Variants in CNTN5 observed in about 807,000 individuals in gnomAD.
CNTN5 encodes contactin-5.
A neutral mutation model predicts 129.1 loss-of-function variants in CNTN5; 77 were observed. The observed-to-expected ratio is 0.60, with a 90% confidence interval of 0.50 to 0.72. CNTN5 has a LOEUF of 0.72. CNTN5 is among the 30% of genes least tolerant of loss of function. CNTN5 has a pLI of 0.00. For synonymous variants in CNTN5, 509 were observed against 465.6 expected (o/e 1.09, Z -1.20); for missense variants, 1,478 against 1,328.8 (o/e 1.11, Z -1.75).
chr11:99,617,510 C>T (rs1308922448), intron 3 of CNTN5, among the ~76,000 whole-genome samples: 2 of 152,050 alleles, frequency 1.3e-5, no homozygotes, highest in African/African-American at 4.8e-5. Flanking sequence ...AGAAAAGTGA[C>T]ACATAAACTT....
intron 1 of CNTN5, among the ~76,000 whole-genome samples, chr11:99,195,142 T>G (rs1262803653): frequency 2.0e-5 from 3 of 152,190 alleles, no homozygotes; most frequent in Non-Finnish European, 4.4e-5. Flanking sequence ...TCTGAAGGAT[T>G]ATATTTTATT....
chr11:100,027,794 A>T, intron 9 of CNTN5, among the ~76,000 whole-genome samples: 1 of 152,294 alleles, frequency 6.6e-6, no homozygotes, highest in Admixed American at 6.5e-5. Context: ...CCAGGGAGCA[A>T]GCTTGGGCAG....
At chr11:100,191,975 C>T (rs758564965) in intron 14 of CNTN5, among the ~76,000 whole-genome samples, 13 of 151,334 alleles carry the variant, frequency 8.6e-5, no homozygotes, top group Non-Finnish European at 1.8e-4. Flanking sequence ...AACCATACTC[C>T]GGCCATAAAA....
chr11:99,222,110 C>T (rs538904178), intron 1 of CNTN5, among the ~76,000 whole-genome samples: 2 of 151,752 alleles, frequency 1.3e-5, no homozygotes, highest in Non-Finnish European at 2.9e-5. Context: ...ACTAAAGCAA[C>T]AAAAAATACC....
chr11:100,085,097 G>T (rs1418353019), intron 13 of CNTN5, among the ~76,000 whole-genome samples: 2 of 152,002 alleles, frequency 1.3e-5, no homozygotes, highest in African/African-American at 4.8e-5. Flanking sequence ...AATAATTTTG[G>T]GGAGAGAATG....
chr11:99,233,169 G>A (rs895746809), intron 1 of CNTN5, among the ~76,000 whole-genome samples: 1 of 152,120 alleles, frequency 6.6e-6, no homozygotes, highest in Non-Finnish European at 1.5e-5. Flanking sequence ...GTCCTTTATA[G>A]TGCTTTGTCA....
At chr11:99,432,499 C>CTTTA (rs1943428019) in intron 2 of CNTN5, among the ~76,000 whole-genome samples, 1 of 74,184 alleles carries the variant, frequency 1.3e-5, no homozygotes, top group African/African-American at 5.3e-5. Context: ...TCTTTTCTTT[C>CTTTA]TTTTCTTTCT....
intron 2 of CNTN5, among the ~76,000 whole-genome samples, chr11:99,410,997 G>A (rs951508367): frequency 2.9e-4 from 44 of 152,178 alleles, no homozygotes; most frequent in African/African-American, 7.7e-4. Flanking sequence ...ATTGAGCTGC[G>A]CATTTTACAG....
intron 17 of CNTN5, among the ~76,000 whole-genome samples, chr11:100,262,353 T>C (rs1335012524): frequency 1.3e-5 from 2 of 152,184 alleles, no homozygotes; most frequent in East Asian, 3.9e-4. Context: ...GAGTGTAAAT[T>C]AGTTCAACCT....
intron 2 of CNTN5, among the ~76,000 whole-genome samples, chr11:99,401,505 A>C (rs1941806526): frequency 6.6e-6 from 1 of 152,162 alleles, no homozygotes; most frequent in Non-Finnish European, 1.5e-5. Flanking sequence ...TATAATTTGA[A>C]GTCAGGTAAT....
At chr11:99,201,173 C>T (rs559343926) in intron 1 of CNTN5, among the ~76,000 whole-genome samples, 2 of 151,700 alleles carry the variant, frequency 1.3e-5, no homozygotes, top group Admixed American at 6.6e-5. Context: ...TACAGGCCTG[C>T]GCCACCATGC....
At chr11:99,129,202 A>G (rs1202390420) in intron 1 of CNTN5, among the ~76,000 whole-genome samples, 1 of 152,164 alleles carries the variant, frequency 6.6e-6, no homozygotes, top group African/African-American at 2.4e-5. Flanking sequence ...ACTAAGAACC[A>G]TGATAAAAGA....
chr11:100,117,710 C>G (rs1319876606), intron 13 of CNTN5, among the ~76,000 whole-genome samples: 4 of 148,964 alleles, frequency 2.7e-5, no homozygotes, highest in Non-Finnish European at 6.0e-5. Flanking sequence ...ATTGCAAAAT[C>G]AGTACACTAA....
intron 9 of CNTN5, among the ~76,000 whole-genome samples, chr11:100,013,355 T>A (rs779659339): frequency 2.0e-5 from 3 of 152,160 alleles, no homozygotes; most frequent in Admixed American, 6.5e-5. Flanking sequence ...TAAAAAAGAC[T>A]TAGTATATCC....
intron 3 of CNTN5, among the ~76,000 whole-genome samples, chr11:99,744,695 G>A (rs548510151): frequency 6.7e-6 from 1 of 149,734 alleles, no homozygotes; most frequent in African/African-American, 2.5e-5. Flanking sequence ...ACTACAGCCT[G>A]GGCAACAGGG....
intron 3 of CNTN5, among the ~76,000 whole-genome samples, chr11:99,803,236 TC>T (rs1946167817): frequency 6.6e-6 from 1 of 151,728 alleles, no homozygotes; most frequent in South Asian, 2.1e-4. Flanking sequence ...CTCAAGGGAG[TC>T]AGTTGGAACA....
intron 8 of CNTN5, among the ~76,000 whole-genome samples, chr11:99,987,183 G>T (rs1938738412): frequency 6.6e-6 from 1 of 152,018 alleles, no homozygotes; most frequent in South Asian, 2.1e-4. Context: ...TTCACTAATT[G>T]TCATCAAATA....
At chr11:100,347,283 T>G (rs1354623265) in intron 23 of CNTN5, among the ~76,000 whole-genome samples, 2 of 152,114 alleles carry the variant, frequency 1.3e-5, no homozygotes, top group Non-Finnish European at 2.9e-5. Flanking sequence ...TCTTGGGAAC[T>G]GTATAGTCTA....
rs1189379506 is a variant in CNTN5, at chr11:100,350,756, C to A, written c.3085C>A (p.Leu1029Ile). ...CAGCCAAGTTATTGAAACACAGAAA[C>A]TTCAAGCAGTAGTACCACTCCCAGA... ...SNSQVIETQK[L>I]QAVVPLPDAG... Residue 1029 changes from leucine (L) to isoleucine (I), a missense_variant, in exon 24 of 25, where the codon CTT (leucine) becomes ATT (isoleucine). Leu to Ile is a conservative substitution (Grantham distance 5, BLOSUM62 2). Coordinates refer to ENST00000524871, the MANE Select transcript of CNTN5 (RefSeq NM_014361.4). The A allele has an allele frequency of 6.2e-7, 1 of 1,608,368 alleles. No homozygotes were observed. The highest frequency in any genetic ancestry group is 2.2e-5 in the East Asian group (1 of 44,760).
Sources: gnomAD v4.1 joint callset for allele counts (sites outside exome capture counted in the v4.1 genomes callset) on GRCh38, gnomAD v4.1.1 for gene constraint, MANE v1.5 for transcripts, NCBI Gene and HGNC (gene_info 2026-07-23, HGNC 2026-07-21) for gene names.